Variants in LRFN2 observed in about 807,000 individuals in gnomAD.
LRFN2 encodes leucine rich repeat and fibronectin type III domain containing 2, also known as leucine-rich repeat and fibronectin type-III domain-containing protein 2.
In LRFN2, 18 loss-of-function variants were observed where a neutral mutation model predicts 37.3. The ratio of observed to expected loss-of-function variants is 0.48; its 90% CI spans 0.33 to 0.72. LRFN2 has a LOEUF of 0.72. Ranked by LOEUF, LRFN2 falls within the 30% of genes least tolerant of loss-of-function variation. LRFN2 has a pLI of 0.02. For synonymous variants in LRFN2, 556 were observed against 466.6 expected (o/e 1.19, Z -2.47); for missense variants, 1,006 against 1,060.7 (o/e 0.95, Z 0.72).
chr6:40,449,895 A>T (rs924018281), intron 1 of LRFN2, among the ~76,000 whole-genome samples: 1 of 152,138 alleles, frequency 6.6e-6, no homozygotes, highest in Non-Finnish European at 1.5e-5. Flanking sequence ...AAAAAATTCT[A>T]TCTCATTTGG....
intron 1 of LRFN2, among the ~76,000 whole-genome samples, chr6:40,579,025 C>T (rs1389608822): frequency 6.6e-6 from 1 of 152,200 alleles, no homozygotes; most frequent in Non-Finnish European, 1.5e-5. Flanking sequence ...TTCCCAAGGA[C>T]AAGGACTGGT....
intron 2 of LRFN2, among the ~76,000 whole-genome samples, chr6:40,415,680 T>G (rs1252816154): frequency 2.0e-5 from 3 of 152,222 alleles, no homozygotes; most frequent in Non-Finnish European, 2.9e-5. Flanking sequence ...CCAGAATAGT[T>G]GTTTAACGTT....
intron 1 of LRFN2, among the ~76,000 whole-genome samples, chr6:40,534,122 G>T (rs781716788): frequency 6.6e-6 from 1 of 152,140 alleles, no homozygotes. Context: ...CAGTCTGAAC[G>T]GCAGAGCCTG....
chr6:40,405,778 A>G (rs1404789577), intron 2 of LRFN2, among the ~76,000 whole-genome samples: 1 of 152,138 alleles, frequency 6.6e-6, no homozygotes, highest in African/African-American at 2.4e-5. Context: ...GTGTTAGTAA[A>G]GGCCTGGCTG....
intron 2 of LRFN2, among the ~76,000 whole-genome samples, chr6:40,423,971 T>C (rs1057220143): frequency 3.9e-5 from 6 of 152,224 alleles, no homozygotes; most frequent in Non-Finnish European, 8.8e-5. Context: ...GGTCTTCTTT[T>C]ACATGAGATG....
chr6:40,522,013 G>C (rs575349529), intron 1 of LRFN2, among the ~76,000 whole-genome samples: 9 of 152,320 alleles, frequency 5.9e-5, no homozygotes, highest in South Asian at 4.1e-4. Context: ...AAGACCAGAA[G>C]GAAGACAGGG....
At chr6:40,553,375 T>G (rs1561905362) in intron 1 of LRFN2, among the ~76,000 whole-genome samples, 2 of 152,186 alleles carry the variant, frequency 1.3e-5, no homozygotes, top group African/African-American at 2.4e-5. Flanking sequence ...GTGTAAGGGC[T>G]TAAAGCCACA....
At chr6:40,448,749 CAT>C (rs1472531454) in intron 1 of LRFN2, among the ~76,000 whole-genome samples, 5 of 152,326 alleles carry the variant, frequency 3.3e-5, no homozygotes, top group Admixed American at 3.3e-4. Flanking sequence ...ACACCATATA[CAT>C]GTTTCCTGTC....
intron 2 of LRFN2, among the ~76,000 whole-genome samples, chr6:40,425,491 A>G (rs1763331323): frequency 6.6e-6 from 1 of 152,232 alleles, no homozygotes; most frequent in Non-Finnish European, 1.5e-5. Context: ...GGATGAAGCC[A>G]AGCTGGGGTG....
At chr6:40,586,663 G>T (rs73421027) in intron 1 of LRFN2, among the ~76,000 whole-genome samples, 6,418 of 152,008 alleles carry the variant, frequency 0.042, 204 homozygotes, top group African/African-American at 0.084. Flanking sequence ...CTCTCCATCC[G>T]GCTCTCCAGT....
intron 1 of LRFN2, among the ~76,000 whole-genome samples, chr6:40,494,046 G>A (rs899370930): frequency 1.3e-5 from 2 of 152,234 alleles, no homozygotes; most frequent in African/African-American, 4.8e-5. Flanking sequence ...GGAGCTTCTT[G>A]CTAATGTCTT....
chr6:40,564,701 T>G (rs1381523363), intron 1 of LRFN2, among the ~76,000 whole-genome samples: 1 of 152,200 alleles, frequency 6.6e-6, no homozygotes, highest in Admixed American at 6.5e-5. Flanking sequence ...CTTTTCAAAA[T>G]GTAAATCTGG....
chr6:40,550,565 G>C (rs1219549634), intron 1 of LRFN2, among the ~76,000 whole-genome samples: 1 of 152,192 alleles, frequency 6.6e-6, no homozygotes, highest in East Asian at 1.9e-4. Context: ...CCCCAGACTA[G>C]CTAACCAAAG....
chr6:40,586,412 A>T (rs868848722), intron 1 of LRFN2, among the ~76,000 whole-genome samples: 1 of 152,050 alleles, frequency 6.6e-6, no homozygotes, highest in South Asian at 2.1e-4. Context: ...AACCTGCCCT[A>T]CCTGCCCCCA....
chr6:40,575,585 A>G (rs1767263428), intron 1 of LRFN2, among the ~76,000 whole-genome samples: 1 of 152,146 alleles, frequency 6.6e-6, no homozygotes, highest in Non-Finnish European at 1.5e-5. Flanking sequence ...CCCTGGGGAC[A>G]TTTCCTGCTG....
intron 1 of LRFN2, among the ~76,000 whole-genome samples, chr6:40,513,956 G>A (rs1043641498): frequency 3.3e-5 from 5 of 152,044 alleles, no homozygotes; most frequent in African/African-American, 1.2e-4. Context: ...TCAGGAGGGG[G>A]CCTGGCCAGA....
intron 1 of LRFN2, among the ~76,000 whole-genome samples, chr6:40,434,342 C>T (rs1450415185): frequency 6.6e-6 from 1 of 152,186 alleles, no homozygotes; most frequent in Admixed American, 6.5e-5. Context: ...CTAAATGTGG[C>T]CTTATTGATA....
At chr6:40,477,876 G>C (rs1033177782) in intron 1 of LRFN2, among the ~76,000 whole-genome samples, 4 of 152,194 alleles carry the variant, frequency 2.6e-5, no homozygotes, top group African/African-American at 9.7e-5. Flanking sequence ...CTCCAAGCTC[G>C]GGAAGGAGAG....
At chr6:40,515,576 T>G (rs1765842183) in intron 1 of LRFN2, among the ~76,000 whole-genome samples, 1 of 152,236 alleles carries the variant, frequency 6.6e-6, no homozygotes, top group African/African-American at 2.4e-5. Flanking sequence ...GCCAGGGAAT[T>G]AACACTCCAC....
Sources: allele counts gnomAD v4.1 joint callset (sites outside exome capture counted in the v4.1 genomes callset), GRCh38; gene constraint gnomAD v4.1.1; transcripts MANE v1.5; gene names NCBI Gene and HGNC (gene_info 2026-07-23, HGNC 2026-07-21).